The following NLGN4Y variants were observed in gnomAD, a reference collection of about 807,000 sequenced individuals.
NLGN4Y encodes the protein neuroligin-4, Y-linked.
NLGN4Y carries 4 observed loss-of-function variants against 8.4 expected under a neutral mutation model. The observed-to-expected ratio is 0.48, with a 90% confidence interval of 0.23 to 1.09. The LOEUF (loss-of-function observed/expected upper bound fraction) is 1.09, where lower values mean the gene tolerates loss of function less well. Among genes scored for constraint, NLGN4Y ranks in the 50% least tolerant of loss-of-function variants. The pLI, the probability that NLGN4Y is intolerant of heterozygous loss-of-function variation, is 0.19. For synonymous variants in NLGN4Y, 35 were observed against 75.6 expected (o/e 0.46, Z 2.78); for missense variants, 90 against 192.3 (o/e 0.47, Z 3.15).
At chrY:14,594,865 A>T in intron 1 of NLGN4Y, among the ~76,000 whole-genome samples, 1 of 32,912 alleles carries the variant, frequency 3.0e-5, no homozygotes, top group Non-Finnish European at 7.5e-5. Context: ...TCCAGTCCCC[A>T]TGATCTGAGT....
At chrY:14,630,198 A>G in intron 2 of NLGN4Y, among the ~76,000 whole-genome samples, 1 of 33,819 alleles carries the variant, frequency 3.0e-5, no homozygotes, top group Non-Finnish European at 7.3e-5. Context: ...TGAGCACGGT[A>G]TATTAACAGA....
intron 4 of NLGN4Y, among the ~76,000 whole-genome samples, chrY:14,790,177 T>C (rs2042980320): frequency 3.0e-5 from 1 of 33,453 alleles, no homozygotes; most frequent in Non-Finnish European, 7.4e-5. Context: ...TAATGACGTA[T>C]GCATATTTTT....
At chrY:14,688,325 G>C (rs2080799366) in intron 2 of NLGN4Y, among the ~76,000 whole-genome samples, 1 of 33,459 alleles carries the variant, frequency 3.0e-5, no homozygotes, top group African/African-American at 1.2e-4. Context: ...AAATTATCAA[G>C]AGAGTTCTGT....
intron 4 of NLGN4Y, among the ~76,000 whole-genome samples, chrY:14,794,607 T>TA: frequency 3.0e-5 from 1 of 33,500 alleles, no homozygotes; most frequent in East Asian, 7.8e-4. Context: ...TGGCCTTATG[T>TA]AAACAGTTCA....
chrY:14,608,958 T>G, intron 1 of NLGN4Y, among the ~76,000 whole-genome samples: 1 of 32,765 alleles, frequency 3.1e-5, no homozygotes, highest in African/African-American at 1.2e-4. Flanking sequence ...CTGGGTACTT[T>G]ATTCTCTTTG....
At chrY:14,737,785 C>T in intron 4 of NLGN4Y, among the ~76,000 whole-genome samples, 1 of 31,487 alleles carries the variant, frequency 3.2e-5, no homozygotes, top group Admixed American at 3.0e-4. Context: ...GAGTATATTT[C>T]TATTAATAAC....
chrY:14,559,425 G>A (rs2080219701), intron 1 of NLGN4Y, among the ~76,000 whole-genome samples: 1 of 33,313 alleles, frequency 3.0e-5, no homozygotes, highest in South Asian at 6.6e-4. Context: ...GCTTTGTGAG[G>A]CCATTTCAAA....
intron 2 of NLGN4Y, among the ~76,000 whole-genome samples, chrY:14,692,086 T>C: frequency 6.1e-5 from 2 of 32,740 alleles, no homozygotes; most frequent in South Asian, 1.4e-3. Flanking sequence ...CAGAAGATAC[T>C]AAGATCTTAT....
upstream of NLGN4Y, chrY:14,523,533 A>G: frequency 8.4e-6 from 1 of 118,558 alleles, no homozygotes; most frequent in Non-Finnish European, 1.8e-5. Flanking sequence ...GGAAAAGGCC[A>G]GGGCTGGAGA....
At chrY:14,540,544 C>A in intron 1 of NLGN4Y, among the ~76,000 whole-genome samples, 1 of 33,310 alleles carries the variant, frequency 3.0e-5, no homozygotes, top group Non-Finnish European at 7.4e-5. Flanking sequence ...CACCACCCAG[C>A]GGGGGCCAAC....
intron 1 of NLGN4Y, among the ~76,000 whole-genome samples, chrY:14,592,483 C>T (rs2080375689): frequency 3.1e-5 from 1 of 32,577 alleles, no homozygotes; most frequent in Admixed American, 2.8e-4. Context: ...GCAGGTGTAT[C>T]GAAGCTGGTC....
chrY:14,548,987 G>T (rs2080182066), intron 1 of NLGN4Y, among the ~76,000 whole-genome samples: 2 of 32,270 alleles, frequency 6.2e-5, no homozygotes, highest in South Asian at 7.1e-4. Context: ...GAGACCCCAG[G>T]GGCCTATACG....
chrY:14,836,434 G>C, intron 6 of NLGN4Y, among the ~76,000 whole-genome samples: 1 of 31,612 alleles, frequency 3.2e-5, no homozygotes, highest in South Asian at 7.2e-4. Flanking sequence ...CTCTCATTTT[G>C]AGCTCTATGT....
At chrY:14,585,856 G>T in intron 1 of NLGN4Y, among the ~76,000 whole-genome samples, 1 of 33,313 alleles carries the variant, frequency 3.0e-5, no homozygotes, top group African/African-American at 1.2e-4. Context: ...CTGTTTAAAA[G>T]AAGCTTTTTT....
intron 4 of NLGN4Y, among the ~76,000 whole-genome samples, chrY:14,819,958 T>C: frequency 3.0e-5 from 1 of 33,096 alleles, no homozygotes; most frequent in Non-Finnish European, 7.4e-5. Flanking sequence ...TTAGGATGCA[T>C]TTCAAGGGTG....
intron 1 of NLGN4Y, among the ~76,000 whole-genome samples, chrY:14,584,512 C>T: frequency 3.1e-5 from 1 of 32,628 alleles, no homozygotes; most frequent in African/African-American, 1.2e-4. Context: ...GCTGAGGAGG[C>T]GGCATTTCAT....
At chrY:14,693,036 T>A in intron 2 of NLGN4Y, among the ~76,000 whole-genome samples, 2 of 33,184 alleles carry the variant, frequency 6.0e-5, no homozygotes, top group African/African-American at 2.3e-4. Context: ...TTAATTTTTG[T>A]TTTTGTAGAG....
At chrY:14,823,823 G>A in intron 4 of NLGN4Y, among the ~76,000 whole-genome samples, 1 of 32,871 alleles carries the variant, frequency 3.0e-5, no homozygotes, top group Non-Finnish European at 7.4e-5. Flanking sequence ...AGATGACATG[G>A]TATCATAAGG....
chrY:14,578,373 G>A, intron 1 of NLGN4Y, among the ~76,000 whole-genome samples: 2 of 32,984 alleles, frequency 6.1e-5, no homozygotes, highest in African/African-American at 1.2e-4. Flanking sequence ...TTTCAGAAGA[G>A]CAAATATGTG....
Sources: gnomAD v4.1 joint callset for allele counts (sites outside exome capture counted in the v4.1 genomes callset) on GRCh38, gnomAD v4.1.1 for gene constraint, MANE v1.5 for transcripts, NCBI Gene and HGNC (gene_info 2026-07-23, HGNC 2026-07-21) for gene names.